Variants in C3AR1 observed in about 807,000 individuals in gnomAD.
The protein encoded by C3AR1 is complement C3a receptor 1.
For missense variants in C3AR1, 579 were observed against 583.5 expected, an observed-to-expected ratio of 0.99 and a Z score of 0.08; for synonymous variants, 208 against 225.3, an observed-to-expected ratio of 0.92 and a Z score of 0.69.
intron 1 of C3AR1, 131 bp downstream of exon 1, chr12:8,066,147 G>A (rs1565638315): frequency 6.6e-6 from 1 of 152,164 alleles, no homozygotes; most frequent in Non-Finnish European, 1.5e-5. Flanking sequence ...GTTAGACATA[G>A]AGATAAGATA....
At chr12:8,066,020 G>A (rs894765258) in intron 1 of C3AR1, among the ~76,000 whole-genome samples, 4 of 152,056 alleles carry the variant, frequency 2.6e-5, no homozygotes, top group African/African-American at 9.7e-5. Flanking sequence ...AGTTCAGGGT[G>A]AAATACATAG....
intron 1 of C3AR1, among the ~76,000 whole-genome samples, chr12:8,063,629 A>G (rs1032868166): frequency 1.3e-5 from 2 of 152,176 alleles, no homozygotes; most frequent in Non-Finnish European, 2.9e-5. Flanking sequence ...TCTATATGCA[A>G]TGACACATTT....
intron 1 of C3AR1, among the ~76,000 whole-genome samples, chr12:8,064,836 AATC>A (rs1370887438): frequency 9.2e-5 from 14 of 152,058 alleles, no homozygotes; most frequent in Non-Finnish European, 1.9e-4. Flanking sequence ...AAAACTTGGT[AATC>A]ATCTCTCCTC....
intron 1 of C3AR1, among the ~76,000 whole-genome samples, chr12:8,061,527 A>G (rs946993695): frequency 4.6e-5 from 7 of 152,154 alleles, no homozygotes; most frequent in Admixed American, 6.6e-5. Context: ...CAGTGATACA[A>G]TCTCGGCTCA....
At position 8,058,796 on chromosome 12, in the gene C3AR1, G is replaced by C; in HGVS notation, c.1390C>G (p.Arg464Gly). 13 of 1,614,056 alleles carry C rather than the reference G, an allele frequency of 8.1e-6. No individual in the cohort carries two copies. Among genetic ancestry groups the C allele is most frequent in the Non-Finnish European group, 1.1e-5 (13 of 1,179,944 alleles). The change falls in exon 2 of 2, where the codon CGT (arginine) becomes GGT (glycine). Residue 464 changes from arginine to glycine, a missense_variant. Physicochemically the swap from Arg to Gly is moderately radical, Grantham distance 125. Transcript: ENST00000307637. ...TTGTTTGAGGGACAGTGGGTGGAAC[G>C]TGTGAGCTCCTCACTGAAGGCTGCC... ...LEAAFSEELT[R>G]STHCPSNNVI...
chr12:8,058,382 A>T lies in C3AR1; in HGVS notation c.*355T>A, dbSNP rs1380552602. 1.1e-5 allele frequency: 2 copies of T among 183,964 alleles called. No individual in the cohort carries two copies. The highest frequency in any genetic ancestry group is 2.3e-5 in the Non-Finnish European group (2 of 88,554). 11.4% of individuals were successfully genotyped at this position (183,964 alleles called of 1,614,324 possible). On this transcript the variant is annotated 3_prime_UTR_variant, in exon 2 of 2. Transcript: ENST00000307637. ...CGACAAATATTCAACATCATTTAAA[A>T]ACAAAGTAGCTTCTCTTATTTCACA...
chr12:8,062,891 C>G (rs1026082199), intron 1 of C3AR1, among the ~76,000 whole-genome samples: 1 of 151,412 alleles, frequency 6.6e-6, no homozygotes, highest in African/African-American at 2.4e-5. Context: ...TCAGGCGATC[C>G]GCCCGCCTCG....
At position 8,058,620 on chromosome 12, in the gene C3AR1, C is replaced by G. The variant is rs1947220395; in HGVS notation, c.*117G>C. ...TAGTCTGTGTACCGTTTGAGAACCG[C>G]TGGATTGATTCTTTGACAGTTTTTG... On this transcript the variant is annotated 3_prime_UTR_variant, in exon 2 of 2. Transcript: ENST00000307637. 2 of 1,152,632 alleles carry G rather than the reference C, an allele frequency of 1.7e-6. No individual in the cohort carries two copies. The highest frequency in any genetic ancestry group is 4.6e-5 in the Admixed American group (2 of 43,840). 71.4% of individuals were successfully genotyped at this position (1,152,632 alleles called of 1,614,324 possible).
In C3AR1 at chr12:8,058,958, C is replaced by T; in HGVS notation, c.1228G>A (p.Gly410Arg). 1 of 1,614,088 alleles carries T rather than the reference C, an allele frequency of 6.2e-7. No homozygotes were observed. The highest frequency in any genetic ancestry group is 8.5e-7 in the Non-Finnish European group (1 of 1,180,026). ...SLLTDPETPL[G>R]KTLMSWDHVC... ...TGATCCCAGGACATCAGAGTTTTCC[C>T]CAAGGGAGTTTCTGGGTCAGTAAGC... Residue 410 changes from glycine to arginine, a missense_variant, in exon 2 of 2, where the codon GGG (glycine) becomes AGG (arginine). By Grantham distance (125) the Gly-to-Arg change is moderately radical. Coordinates refer to ENST00000307637, the MANE Select transcript of C3AR1 (RefSeq NM_004054.4).
At chr12:8,063,576 C>T (rs1476239849) in intron 1 of C3AR1, among the ~76,000 whole-genome samples, 2 of 152,144 alleles carry the variant, frequency 1.3e-5, no homozygotes, top group Non-Finnish European at 2.9e-5. Context: ...TCTTCAGCTT[C>T]TTAATTTGTG....
Position 8,059,499 on chromosome 12 carries a change from GA to G in C3AR1, c.686del (p.Phe229SerfsTer21), listed in dbSNP as rs762483859. 1.8e-5 allele frequency: 29 copies of G among 1,614,138 alleles called. No homozygotes were observed. Among genetic ancestry groups the G allele is most frequent in the Non-Finnish European group, 2.4e-5 (28 of 1,179,986 alleles). ...NDHPWTVPTV[F>X]QPQTFQRPSA... ...AAGGTCTTTGAAATGTTTGAGGTTGGAAGACAGTGGGGACTGTCCAAGGATG... is the reference window on the plus strand; with the variant it reads ...AAGGTCTTTGAAATGTTTGAGGTTGGAGACAGTGGGGACTGTCCAAGGATG... On this transcript the variant is annotated frameshift_variant, in exon 2 of 2. Transcript: ENST00000307637. LOFTEE classifies it low-confidence loss of function (END_TRUNC).
intron 1 of C3AR1, among the ~76,000 whole-genome samples, chr12:8,062,987 T>TCG (rs1299967560): frequency 9.8e-6 from 1 of 101,528 alleles, no homozygotes; most frequent in African/African-American, 3.9e-5. Context: ...TGATGGAGTC[T>TCG]CGCTCTGTCT....
At chr12:8,063,778 A>T (rs1297421232) in intron 1 of C3AR1, among the ~76,000 whole-genome samples, 1 of 152,136 alleles carries the variant, frequency 6.6e-6, no homozygotes, top group Admixed American at 6.5e-5. Flanking sequence ...AAGGTTAAAG[A>T]TTATGTGGAA....
At position 8,059,101 on chromosome 12, in the gene C3AR1, C is replaced by T. The variant is rs370515640; in HGVS notation, c.1085G>A (p.Arg362Gln). 2.0e-5 allele frequency: 33 copies of T among 1,613,998 alleles called. No individual in the cohort carries two copies. The highest frequency in any genetic ancestry group is 1.3e-4 in the African/African-American group (10 of 74,906). ...CTTGGCGAAGCGGCCCCTTTGCATT[C>T]GGAAGACAATGAAGCTGTAACAGGC... The part of the protein sequence containing the change: ...MIACYSFIVF[R>Q]MQRGRFAKSQ... Residue 362 changes from arginine (R) to glutamine (Q), a missense_variant, in exon 2 of 2, where the codon CGA becomes CAA. Transcript: ENST00000307637.
At position 8,059,725 on chromosome 12, in the gene C3AR1, C is replaced by G. The variant is rs965135147; in HGVS notation, c.461G>C (p.Cys154Ser). ...TTCCCGGTACACGAACACAGGAATG[C>G]ACATCACAAAAGCCACCACCCAGAT... The part of the protein sequence containing the change: ...GCIWVVAFVM[C>S]IPVFVYREIF... The change falls in exon 2 of 2, where the codon TGC (cysteine) becomes TCC (serine). Residue 154 changes from cysteine (C) to serine (S), a missense_variant. Physicochemically the swap from Cys to Ser is moderately radical, Grantham distance 112. Transcript: ENST00000307637. The G allele has an allele frequency of 4.3e-6, 7 of 1,614,100 alleles. No homozygotes were observed. The highest frequency in any genetic ancestry group is 5.9e-6 in the Non-Finnish European group (7 of 1,180,014).
chr12:8,065,030 T>C (rs1225387695), intron 1 of C3AR1, among the ~76,000 whole-genome samples: 9 of 152,018 alleles, frequency 5.9e-5, no homozygotes, highest in African/African-American at 1.7e-4. Flanking sequence ...TTCTCTGCTT[T>C]TATTTCTCAA....
chr12:8,064,173 A>G (rs899537915), intron 1 of C3AR1, among the ~76,000 whole-genome samples: 1 of 152,074 alleles, frequency 6.6e-6, no homozygotes, highest in Non-Finnish European at 1.5e-5. Context: ...TCTAATTTGT[A>G]TCCATGTAAT....
rs1446612380 is a variant in C3AR1, at chr12:8,060,238, T to C, written c.-10-43A>G. 6 of 1,425,542 alleles carry C rather than the reference T, an allele frequency of 4.2e-6. No homozygotes were observed. In the East Asian group the frequency reaches 1.4e-4, roughly 33 times the overall value. 88.3% of individuals were successfully genotyped at this position (1,425,542 alleles called of 1,614,324 possible). On this transcript the variant is annotated intron_variant, in intron 1 of 1. Transcript: ENST00000307637. ...AAATGTTAAAACAAACAGTATCTTT[T>C]TGAAAATGCATACATATTCTTAGGA...
rs1382923071 is a variant in C3AR1, at chr12:8,063,015, T to C, written c.-10-2820A>G. On this transcript the variant is annotated intron_variant, in intron 1 of 1. Transcript: ENST00000307637. ...CTCTGTCTCCCAGGCTGGAGTGCAA[T>C]GGTGCGATCTCGGCTCACTACAGCC... Among the ~76,000 whole-genome samples the C allele has an allele frequency of 3.3e-5, 4 of 121,764 alleles. No homozygotes were observed. The South Asian group carries it at 1.2e-3, about 36-fold the overall frequency. 79.9% of individuals were successfully genotyped at this position (121,764 alleles called of 152,430 possible). A position where few individuals can be genotyped will look rare whatever the true frequency, so the allele number is the denominator to read the frequency against.
Sources: allele counts gnomAD v4.1 joint callset (sites outside exome capture counted in the v4.1 genomes callset), GRCh38; gene constraint gnomAD v4.1.1; transcripts MANE v1.5; gene names NCBI Gene and HGNC (gene_info 2026-07-23, HGNC 2026-07-21).